The following ZDHHC15 variants were observed in gnomAD, a reference collection of about 807,000 sequenced individuals.
The protein encoded by ZDHHC15 is zDHHC palmitoyltransferase 15.
Under a neutral mutation model 31.7 loss-of-function variants are expected in ZDHHC15, and 19 were observed. The observed-to-expected ratio is 0.60, with a 90% CI of 0.42 to 0.88. The LOEUF is 0.88. ZDHHC15 is among the 40% of genes least tolerant of loss of function. The probability of loss-of-function intolerance (pLI) is 0.00; values close to 1 mark genes in which losing one functional copy is unlikely to be tolerated. For missense variants in ZDHHC15, 209 were observed against 251.2 expected (o/e 0.83, Z 1.14); for synonymous variants, 103 against 90.0 (o/e 1.14, Z -0.82).
At position 75,421,853 on chromosome X, in the gene ZDHHC15, T is replaced by C; in HGVS notation, c.863+11A>G. The C allele has an allele frequency of 3.3e-6, 4 of 1,206,682 alleles. No individual in the cohort carries two copies. Among genetic ancestry groups the C allele is most frequent in the Non-Finnish European group, 4.5e-6 (4 of 893,302 alleles). ...CAGTACTAACTTCTTCCAGTGGTAA[T>C]ATTTACTCACCTGGAACCAATAGGT... On this transcript the variant is annotated intron_variant, in intron 9 of 11. Transcript: ENST00000373367.
intron 10 of ZDHHC15, among the ~76,000 whole-genome samples, chrX:75,389,968 A>C (rs1415887784): frequency 1.8e-5 from 2 of 111,366 alleles, no homozygotes; most frequent in Admixed American, 1.9e-4. Flanking sequence ...ACCCAGGGCC[A>C]GAGTGGAGCT....
At chrX:75,467,077 G>T (rs1421235841) in intron 3 of ZDHHC15, among the ~76,000 whole-genome samples, 1 of 111,890 alleles carries the variant, frequency 8.9e-6, no homozygotes, top group African/African-American at 3.2e-5. Flanking sequence ...AAAAACAAAA[G>T]TCAATAAATT....
chrX:75,399,648 C>T (rs5937374), intron 10 of ZDHHC15, among the ~76,000 whole-genome samples: 3,025 of 111,546 alleles, frequency 0.027, 46 homozygotes, highest in Middle Eastern at 0.065. Flanking sequence ...TAAGATCACC[C>T]CAGAGCTCCA....
chrX:75,439,914 G>C (rs1470481119), intron 4 of ZDHHC15, among the ~76,000 whole-genome samples: 1 of 111,363 alleles, frequency 9.0e-6, no homozygotes, highest in Non-Finnish European at 1.9e-5. Flanking sequence ...CTGGGAGCCA[G>C]ACTGCAGTGA....
chrX:75,418,377 G>T (rs1200436562), intron 9 of ZDHHC15, among the ~76,000 whole-genome samples: 2 of 111,791 alleles, frequency 1.8e-5, no homozygotes, highest in African/African-American at 6.5e-5. Flanking sequence ...GTCTAAGGAG[G>T]GGACTGAAAA....
intron 4 of ZDHHC15, among the ~76,000 whole-genome samples, chrX:75,443,730 C>T (rs1003520096): frequency 1.2e-4 from 13 of 111,826 alleles, no homozygotes; most frequent in Non-Finnish European, 1.9e-4. Context: ...TGACAAAGGG[C>T]TAATATCCAG....
chrX:75,441,150 C>G (rs1428050669), intron 4 of ZDHHC15, among the ~76,000 whole-genome samples: 1 of 112,339 alleles, frequency 8.9e-6, no homozygotes, highest in Non-Finnish European at 1.9e-5. Context: ...CTGCCTGCCA[C>G]AGCTTCTGTG....
chrX:75,399,143 C>T (rs1205347279), intron 10 of ZDHHC15, among the ~76,000 whole-genome samples: 1 of 111,327 alleles, frequency 9.0e-6, no homozygotes, highest in Non-Finnish European at 1.9e-5. Context: ...AGTGGCCAGA[C>T]TGTTATGTGG....
Position 75,478,902 on chromosome X carries a change from G to C in ZDHHC15, c.247C>G (p.Pro83Ala). ...WKSIFTLPQQ[P>A]NQKFHLSYTD... ...ACCAATATTCTTACCTTCTGGTTTG[G>C]CTGCTGTGGGAGTGTAAAGATAGAC... Residue 83 changes from proline to alanine, a missense_variant, in exon 3 of 12, where the codon CCA (proline) becomes GCA (alanine). Physicochemically the swap from Pro to Ala is conservative, Grantham distance 27. Transcript: ENST00000373367. 1 of 1,196,816 alleles carries C rather than the reference G, an allele frequency of 8.4e-7. No individual in the cohort carries two copies. The highest frequency in any genetic ancestry group is 1.1e-6 in the Non-Finnish European group (1 of 886,342).
At chrX:75,437,694 C>T (rs1414286867) in intron 4 of ZDHHC15, among the ~76,000 whole-genome samples, 2 of 106,479 alleles carry the variant, frequency 1.9e-5, no homozygotes, top group African/African-American at 6.9e-5. Flanking sequence ...CATTGTTGGA[C>T]ATTTGGGTTG....
At chrX:75,436,969 C>T (rs1569327811) in intron 4 of ZDHHC15, among the ~76,000 whole-genome samples, 2 of 111,957 alleles carry the variant, frequency 1.8e-5, no homozygotes, top group Non-Finnish European at 3.8e-5. Context: ...GCAAGCTCTG[C>T]CTCCTGGGTT....
chrX:75,488,341 C>T (rs781722997), intron 2 of ZDHHC15, among the ~76,000 whole-genome samples: 2 of 111,869 alleles, frequency 1.8e-5, no homozygotes, highest in South Asian at 7.5e-4. Context: ...ACCCTGCAAG[C>T]CAGAAGGGAT....
intron 2 of ZDHHC15, among the ~76,000 whole-genome samples, chrX:75,494,359 C>G (rs1327088680): frequency 4.5e-5 from 5 of 111,169 alleles, no homozygotes; most frequent in Admixed American, 3.8e-4. Context: ...CCATACTGCC[C>G]AAGGTAATTT....
Position 75,370,556 on chromosome X carries a change from A to T in ZDHHC15, c.*2422T>A, listed in dbSNP as rs2082996511. On this transcript the variant is annotated 3_prime_UTR_variant, in exon 12 of 12. Transcript: ENST00000373367. ...TTTTTTTTTTTTTTTTTTGAGACAG[A>T]GTTTCACTCTTATTGCCCAGGCCGG... 1.1e-5 allele frequency: 1 copy of T among 88,715 alleles called. No individual in the cohort carries two copies. 7.3% of individuals were successfully genotyped at this position (88,715 alleles called of 1,213,427 possible).
intron 10 of ZDHHC15, among the ~76,000 whole-genome samples, chrX:75,384,024 G>A (rs1031366877): frequency 9.1e-6 from 1 of 110,260 alleles, no homozygotes; most frequent in African/African-American, 3.3e-5. Flanking sequence ...TTACAGGCGT[G>A]AACCACCGCA....
At chrX:75,501,369 G>T (rs1320629888) in intron 2 of ZDHHC15, 1 of 111,795 alleles carries the variant, frequency 8.9e-6, no homozygotes. Context: ...GGGCATTTAG[G>T]TTGATTCCAC....
At position 75,428,756 on chromosome X, in the gene ZDHHC15, T is replaced by C. The variant is rs1180017449; in HGVS notation, c.603+322A>G. ...TTAGTTTCAACATTTTTCAAATCTATAACTGGTAGGAAGTGGAACTTTAAA... is the reference window on the plus strand; with the variant it reads ...TTAGTTTCAACATTTTTCAAATCTACAACTGGTAGGAAGTGGAACTTTAAA... On this transcript the variant is annotated intron_variant, in intron 7 of 11. Transcript: ENST00000373367. Among the ~76,000 whole-genome samples the C allele has an allele frequency of 2.7e-5, 3 of 111,788 alleles. No homozygotes were observed. The Admixed American group carries it at 2.9e-4, about 11-fold the overall frequency.
intron 10 of ZDHHC15, among the ~76,000 whole-genome samples, chrX:75,409,582 A>C (rs1296231891): frequency 9.5e-6 from 1 of 105,384 alleles, no homozygotes; most frequent in Non-Finnish European, 1.9e-5. Context: ...GGATCATGAG[A>C]TCAGGAGATT....
At chrX:75,490,888 C>A (rs1350262987) in intron 2 of ZDHHC15, among the ~76,000 whole-genome samples, 1 of 111,913 alleles carries the variant, frequency 8.9e-6, no homozygotes, top group Non-Finnish European at 1.9e-5. Flanking sequence ...CTCACCATCA[C>A]TGGCCATCAG....
Sources: allele counts gnomAD v4.1 joint callset (sites outside exome capture counted in the v4.1 genomes callset), GRCh38; gene constraint gnomAD v4.1.1; transcripts MANE v1.5; gene names NCBI Gene and HGNC (gene_info 2026-07-23, HGNC 2026-07-21).